ELOVL5: variants seen among roughly 807,000 people sequenced by gnomAD.
ELOVL5 encodes ELOVL fatty acid elongase 5.
A neutral mutation model predicts 38.6 loss-of-function variants in ELOVL5; 8 were observed. The observed-to-expected ratio is 0.21, with a 90% CI of 0.12 to 0.37. The LOEUF (loss-of-function observed/expected upper bound fraction) is 0.37, where lower values mean the gene tolerates loss of function less well. ELOVL5 is among the 10% of genes least tolerant of loss of function. The pLI, the probability that ELOVL5 is intolerant of heterozygous loss-of-function variation, is 1.00. For missense variants in ELOVL5, 280 were observed against 367.8 expected (o/e 0.76, Z 1.95); for synonymous variants, 127 against 133.7 (o/e 0.95, Z 0.34).
Position 53,269,193 on chromosome 6 carries a change from A to G in ELOVL5, c.834T>C (p.Asn278=). Residue 278 remains asparagine, a synonymous_variant, in exon 8 of 8, where the codon AAT becomes AAC. Transcript: ENST00000304434. ...GGGGTGAAAAGCTGTTGGTGTGTCC[A>G]TTCACAGCAGCCATGGACCCATTCT... ...DHQNGSMAAV[N]GHTNSFSPLE... is the part of the protein sequence containing the mutation. 1 of 1,614,080 alleles carries G rather than the reference A, an allele frequency of 6.2e-7. No homozygotes were observed.
At chr6:53,330,935 G>A (rs1428990491) in intron 1 of ELOVL5, among the ~76,000 whole-genome samples, 1 of 152,062 alleles carries the variant, frequency 6.6e-6, no homozygotes, top group African/African-American at 2.4e-5. Context: ...GGCCTTCAGG[G>A]GCAATAACAT....
At chr6:53,348,776 C>T in intron 1 of ELOVL5, 41 bp downstream of exon 1, 1 of 452,866 alleles carries the variant, frequency 2.2e-6, no homozygotes, top group Non-Finnish European at 4.4e-6. Context: ...CATGGCCGAG[C>T]GGCGGCCCCC....
At chr6:53,275,721 C>T (rs1427151663) in intron 4 of ELOVL5, among the ~76,000 whole-genome samples, 1 of 152,194 alleles carries the variant, frequency 6.6e-6, no homozygotes, top group Non-Finnish European at 1.5e-5. Flanking sequence ...CAGGTCTCTG[C>T]CCAATTAAAC....
At chr6:53,329,178 A>G (rs1482611614) in intron 1 of ELOVL5, among the ~76,000 whole-genome samples, 1 of 138,002 alleles carries the variant, frequency 7.2e-6, no homozygotes, top group African/African-American at 3.0e-5. Flanking sequence ...ATAAAGTATA[A>G]CTAACTACTA....
At chr6:53,315,985 G>C (rs911261110) in intron 1 of ELOVL5, among the ~76,000 whole-genome samples, 3 of 152,200 alleles carry the variant, frequency 2.0e-5, no homozygotes, top group African/African-American at 7.2e-5. Flanking sequence ...TGGGCAAGCT[G>C]CTAAAACTAT....
At chr6:53,292,666 C>G (rs1766818280) in intron 2 of ELOVL5, among the ~76,000 whole-genome samples, 1 of 152,208 alleles carries the variant, frequency 6.6e-6, no homozygotes, top group Non-Finnish European at 1.5e-5. Context: ...TGCTGCACAC[C>G]TGTAATCCCA....
At chr6:53,301,758 G>A (rs1252657016) in intron 1 of ELOVL5, among the ~76,000 whole-genome samples, 1 of 152,032 alleles carries the variant, frequency 6.6e-6, no homozygotes, top group East Asian at 1.9e-4. Flanking sequence ...CCTTTTTAAC[G>A]CACATTTTCC....
At chr6:53,315,541 A>G (rs1355057864) in intron 1 of ELOVL5, among the ~76,000 whole-genome samples, 3 of 152,220 alleles carry the variant, frequency 2.0e-5, no homozygotes, top group African/African-American at 7.2e-5. Flanking sequence ...CAAAACACAT[A>G]ATCTCCACTT....
At chr6:53,328,325 T>A (rs978079177) in intron 1 of ELOVL5, among the ~76,000 whole-genome samples, 1 of 152,132 alleles carries the variant, frequency 6.6e-6, no homozygotes, top group African/African-American at 2.4e-5. Context: ...TTAAAAAAAA[T>A]CTGAGCATCT....
At chr6:53,269,780 T>C (rs1765857371) in intron 7 of ELOVL5, among the ~76,000 whole-genome samples, 1 of 152,230 alleles carries the variant, frequency 6.6e-6, no homozygotes, top group African/African-American at 2.4e-5. Flanking sequence ...ACCTTCCTTG[T>C]AGCTGGTGTA....
rs373733971 is a variant in ELOVL5, at chr6:53,315,560, G to A, written c.-8-19853C>T. ...ACACATAATCTCCACTTTATGAAAG[G>A]GTTGTACTATTGTAAATTAGTCATC... On this transcript the variant is annotated intron_variant, in intron 1 of 7. Transcript: ENST00000304434. 1.6e-4 allele frequency among the ~76,000 whole-genome samples: 24 copies of A among 152,240 alleles called. No individual in the cohort carries two copies. The East Asian group carries it at 4.2e-3, about 27-fold the overall frequency.
intron 1 of ELOVL5, among the ~76,000 whole-genome samples, chr6:53,329,319 G>T (rs1768686529): frequency 6.6e-6 from 1 of 151,884 alleles, no homozygotes; most frequent in Non-Finnish European, 1.5e-5. Context: ...TTATCATACA[G>T]TAGGTTAGTT....
rs772472251 is a variant in ELOVL5 at position 53,348,891 on chromosome 6, C to T, written c.-83G>A. 1.1e-5 allele frequency: 5 copies of T among 453,748 alleles called. No homozygotes were observed. Among genetic ancestry groups the T allele is most frequent in the African/African-American group, 6.1e-5 (3 of 49,194 alleles). 28.1% of individuals were successfully genotyped at this position (453,748 alleles called of 1,614,324 possible). A position where few individuals can be genotyped will look rare whatever the true frequency, so the allele number is the denominator to read the frequency against. On this transcript the variant is annotated 5_prime_UTR_variant, in exon 1 of 8. Coordinates refer to ENST00000304434, the MANE Select transcript of ELOVL5 (RefSeq NM_021814.5). ...CGGCGGAGGGAGCGCGGGTGGCAGCCGGCGCAGAGGCGGATGTAGAAGGAG... is the reference window on the plus strand; with the variant it reads ...CGGCGGAGGGAGCGCGGGTGGCAGCTGGCGCAGAGGCGGATGTAGAAGGAG...
At chr6:53,284,043 C>T (rs75679723) in intron 3 of ELOVL5, among the ~76,000 whole-genome samples, 9,505 of 151,292 alleles carry the variant, frequency 0.063, 597 homozygotes, top group Admixed American at 0.22. Flanking sequence ...TGGTGGCTCA[C>T]GCCTGTAATC....
At chr6:53,297,973 T>C (rs1284057045) in intron 1 of ELOVL5, among the ~76,000 whole-genome samples, 4 of 152,242 alleles carry the variant, frequency 2.6e-5, no homozygotes, top group South Asian at 2.1e-4. Context: ...AGAAATGTTT[T>C]ATCTATTAAA....
chr6:53,326,324 T>C (rs1342300030), intron 1 of ELOVL5, among the ~76,000 whole-genome samples: 1 of 152,122 alleles, frequency 6.6e-6, no homozygotes, highest in Non-Finnish European at 1.5e-5. Context: ...CCAAAATCAG[T>C]GGGGCCACTC....
chr6:53,312,346 C>A (rs1278297363), intron 1 of ELOVL5, among the ~76,000 whole-genome samples: 2 of 152,158 alleles, frequency 1.3e-5, no homozygotes, highest in African/African-American at 4.8e-5. Context: ...ATATCCACAC[C>A]ACGGAACGTT....
chr6:53,292,957 T>TA lies in ELOVL5; in HGVS notation c.59-995dup, dbSNP rs141417794. ...GTATAGGAAGGGCCTCTCCTGCCCC[T>TA]ATTCCTTTTCTTAGGCAGGGAGGAG... On this transcript the variant is annotated intron_variant, in intron 2 of 7. Coordinates refer to ENST00000304434, the MANE Select transcript of ELOVL5 (RefSeq NM_021814.5). Among the ~76,000 whole-genome samples, 663 of 152,274 alleles carry TA rather than the reference T, an allele frequency of 4.4e-3. 8 individuals carry two copies. Among genetic ancestry groups the TA allele is most frequent in the African/African-American group, 0.015 (641 of 41,568 alleles).
At position 53,291,955 on chromosome 6, in the gene ELOVL5, C is replaced by T; in HGVS notation, c.67G>A (p.Val23Ile). The T allele has an allele frequency of 6.6e-7, 1 of 1,505,188 alleles. No homozygotes were observed. The highest frequency in any genetic ancestry group is 8.9e-7 in the Non-Finnish European group (1 of 1,121,610). The allele number at this position is 1,505,188 out of a possible 1,614,324, so 93.2% of individuals were successfully genotyped here. A position where few individuals can be genotyped will look rare whatever the true frequency, so the allele number is the denominator to read the frequency against. Reference sequence around the variant, plus strand: ...TTGTCCAGAAGAAACCATCCTTTTACTCTAGTATCTGAAAAATTAAAAAAA... The same window carrying T: ...TTGTCCAGAAGAAACCATCCTTTTATTCTAGTATCTGAAAAATTAAAAAAA... Reference protein sequence around the residue: ...KALLGPRDTRVKGWFLLDNYI... With the variant: ...KALLGPRDTRIKGWFLLDNYI... The change falls in exon 3 of 8, where the codon GTA becomes ATA. Residue 23 changes from valine to isoleucine, a missense_variant. Val to Ile is a conservative substitution (Grantham distance 29). Transcript: ENST00000304434.
Sources: gnomAD v4.1 joint callset for allele counts (sites outside exome capture counted in the v4.1 genomes callset) on GRCh38, gnomAD v4.1.1 for gene constraint, MANE v1.5 for transcripts, NCBI Gene and HGNC (gene_info 2026-07-23, HGNC 2026-07-21) for gene names.